IKZF1: variants seen among roughly 807,000 people sequenced by gnomAD.
IKZF1 encodes the protein DNA-binding protein Ikaros.
A neutral mutation model predicts 51.7 loss-of-function variants in IKZF1; 10 were observed. The observed-to-expected ratio is 0.19, with a 90% CI of 0.12 to 0.33. The LOEUF is 0.33. Ranked by LOEUF, IKZF1 falls within the 10% of genes least tolerant of loss-of-function variation. IKZF1 has a pLI of 1.00. For synonymous variants in IKZF1, 280 were observed against 282.3 expected (o/e 0.99, Z 0.08); for missense variants, 484 against 707.5 (o/e 0.68, Z 3.58).
intron 1 of IKZF1, among the ~76,000 whole-genome samples, chr7:50,311,981 G>A (rs1369826740): frequency 6.6e-6 from 1 of 152,098 alleles, no homozygotes; most frequent in African/African-American, 2.4e-5. Flanking sequence ...TAATGACCTG[G>A]GGCATGTCTG....
chr7:50,393,944 T>G (rs1385046092), intron 7 of IKZF1: 1 of 232,492 alleles, frequency 4.3e-6, no homozygotes, highest in Non-Finnish European at 8.5e-6. Flanking sequence ...AATGAACGTT[T>G]GCAGCCCCTT....
At position 50,397,421 on chromosome 7, in the gene IKZF1, C is replaced by A. The variant is rs370959995; in HGVS notation, c.851-2497C>A. 2.0e-4 allele frequency among the ~76,000 whole-genome samples: 30 copies of A among 152,080 alleles called. No homozygotes were observed. In the South Asian group the frequency reaches 6.0e-3, roughly 30 times the overall value. On this transcript the variant is annotated intron_variant, in intron 7 of 7. Coordinates refer to ENST00000331340, the MANE Select transcript of IKZF1 (RefSeq NM_006060.6). ...ATCTGGCATATATGTTGATTTTTTT[C>A]CTACACCCATTTGTTGTGATACCAA...
intron 1 of IKZF1, among the ~76,000 whole-genome samples, chr7:50,315,223 A>G (rs1584408968): frequency 6.6e-6 from 1 of 152,250 alleles, no homozygotes; most frequent in African/African-American, 2.4e-5. Flanking sequence ...ACTGAGAGAG[A>G]GACAGTCTCA....
chr7:50,380,383 G>C (rs535681970), intron 4 of IKZF1, among the ~76,000 whole-genome samples: 1 of 152,242 alleles, frequency 6.6e-6, no homozygotes, highest in African/African-American at 2.4e-5. Flanking sequence ...GCATGTGTCT[G>C]TAGCAATCTG....
At chr7:50,396,897 G>C (rs1396314079) in intron 7 of IKZF1, among the ~76,000 whole-genome samples, 1 of 152,190 alleles carries the variant, frequency 6.6e-6, no homozygotes, top group Non-Finnish European at 1.5e-5. Context: ...GAGATTCTCT[G>C]GGGCTTTGGG....
intron 1 of IKZF1, among the ~76,000 whole-genome samples, chr7:50,307,126 A>G (rs910589698): frequency 6.6e-6 from 1 of 152,180 alleles, no homozygotes; most frequent in Non-Finnish European, 1.5e-5. Context: ...CTAAAACAAG[A>G]TGGATTTCCC....
At chr7:50,370,247 A>G (rs554134958) in intron 3 of IKZF1, among the ~76,000 whole-genome samples, 1 of 152,350 alleles carries the variant, frequency 6.6e-6, no homozygotes, top group African/African-American at 2.4e-5. Flanking sequence ...CCAAACATTT[A>G]CTTTTTCAGT....
intron 3 of IKZF1, among the ~76,000 whole-genome samples, chr7:50,347,014 A>G (rs557433488): frequency 3.7e-4 from 57 of 152,322 alleles, no homozygotes; most frequent in African/African-American, 1.3e-3. Flanking sequence ...AGCCCTGAAG[A>G]CATTATCTCC....
intron 3 of IKZF1, among the ~76,000 whole-genome samples, chr7:50,358,746 A>G (rs1032007274): frequency 6.6e-6 from 1 of 152,218 alleles, no homozygotes; most frequent in Non-Finnish European, 1.5e-5. Flanking sequence ...TTTTTAGGAA[A>G]TAGTGAGACG....
Position 50,400,841 on chromosome 7 carries a change from G to T in IKZF1, c.*214G>T. 1.6e-6 allele frequency: 1 copy of T among 635,668 alleles called. No individual in the cohort carries two copies. Among genetic ancestry groups the T allele is most frequent in the Non-Finnish European group, 2.6e-6 (1 of 378,080 alleles). The allele number at this position is 635,668 out of a possible 1,614,324, so 39.4% of individuals were successfully genotyped here. On this transcript the variant is annotated 3_prime_UTR_variant, in exon 8 of 8. Transcript: ENST00000331340. The surrounding 1 kb of genome is among the most constrained non-coding windows in gnomAD (Gnocchi z 5.4). ...TATTTTTAGAGGCAGGGCTGCATTG[G>T]GAGCATCCAGAACTGCTACCTTCCT...
intron 7 of IKZF1, 167 bp from the exon 8 acceptor site, chr7:50,399,751 G>A: frequency 9.1e-7 from 1 of 1,097,276 alleles, no homozygotes; most frequent in Non-Finnish European, 1.3e-6. Flanking sequence ...GGTGTGATGT[G>A]TCCGCAGGTG....
chr7:50,365,545 T>C (rs1161117825), intron 3 of IKZF1, among the ~76,000 whole-genome samples: 1 of 152,226 alleles, frequency 6.6e-6, no homozygotes, highest in Non-Finnish European at 1.5e-5. Context: ...TTCATCATCA[T>C]TGATCATTAG....
intron 3 of IKZF1, among the ~76,000 whole-genome samples, chr7:50,371,470 G>A (rs1324009279): frequency 6.6e-6 from 1 of 152,202 alleles, no homozygotes; most frequent in East Asian, 1.9e-4. Flanking sequence ...TGGGACAAAG[G>A]CCCTGAACTC....
At chr7:50,368,742 GC>G in intron 3 of IKZF1, 1 of 245,688 alleles carries the variant, frequency 4.1e-6, no homozygotes, top group South Asian at 1.4e-4. Flanking sequence ...AACAGAGAGT[GC>G]TTTTGAAAAT....
chr7:50,363,884 G>A (rs1806008025), intron 3 of IKZF1, among the ~76,000 whole-genome samples: 1 of 152,164 alleles, frequency 6.6e-6, no homozygotes, highest in African/African-American at 2.4e-5. Context: ...CACTAGCTCA[G>A]TCACCGGGTC....
At chr7:50,359,783 T>C (rs1226227479) in intron 3 of IKZF1, among the ~76,000 whole-genome samples, 1 of 152,216 alleles carries the variant, frequency 6.6e-6, no homozygotes, top group Non-Finnish European at 1.5e-5. Context: ...GCTACAGTTA[T>C]GCCAGATTGC....
chr7:50,374,763 G>A (rs1179761798), intron 3 of IKZF1, among the ~76,000 whole-genome samples: 1 of 152,192 alleles, frequency 6.6e-6, no homozygotes, highest in East Asian at 1.9e-4. Flanking sequence ...TCAAGGCACA[G>A]AGAAGTTACA....
rs994994413 is a variant in IKZF1 at position 50,401,484 on chromosome 7, A to G, written c.*857A>G. 1 of 224,336 alleles carries G rather than the reference A, an allele frequency of 4.5e-6. No individual in the cohort carries two copies. The highest frequency in any genetic ancestry group is 2.2e-5 in the African/African-American group (1 of 44,834). 13.9% of individuals were successfully genotyped at this position (224,336 alleles called of 1,614,324 possible). On this transcript the variant is annotated 3_prime_UTR_variant, in exon 8 of 8. Coordinates refer to ENST00000331340, the MANE Select transcript of IKZF1 (RefSeq NM_006060.6). Reference sequence around the variant, plus strand: ...TTAATGGCCCCCAAAATCTGTCACTACAATTTAAACACCAGTCCCGAAATT... The same window carrying G: ...TTAATGGCCCCCAAAATCTGTCACTGCAATTTAAACACCAGTCCCGAAATT...
chr7:50,314,523 G>T (rs564263037), intron 1 of IKZF1, among the ~76,000 whole-genome samples: 1 of 152,338 alleles, frequency 6.6e-6, no homozygotes, highest in South Asian at 2.1e-4. Flanking sequence ...GTACTTAGTG[G>T]CTTTTTAACA....
Sources: gnomAD v4.1 joint callset for allele counts (sites outside exome capture counted in the v4.1 genomes callset) on GRCh38, gnomAD v4.1.1 for gene constraint, Gnocchi (gnomAD v3.1) non-coding constraint, MANE v1.5 for transcripts, NCBI Gene and HGNC (gene_info 2026-07-23, HGNC 2026-07-21) for gene names.